SLC17A7: variants seen among roughly 807,000 people sequenced by gnomAD.
The protein encoded by SLC17A7 is vesicular glutamate transporter 1.
A neutral mutation model predicts 59.1 loss-of-function variants in SLC17A7; 15 were observed. That is an observed-to-expected ratio of 0.25 (90% CI 0.17 to 0.39). SLC17A7 has a LOEUF of 0.39. SLC17A7 is among the 10% of genes least tolerant of loss of function. The probability of loss-of-function intolerance (pLI) is 1.00; values close to 1 mark genes in which losing one functional copy is unlikely to be tolerated. For synonymous variants in SLC17A7, 353 were observed against 308.9 expected, an observed-to-expected ratio of 1.14 and a Z score of -1.50; for missense variants, 499 against 765.1, an observed-to-expected ratio of 0.65 and a Z score of 4.10.
Position 49,433,151 on chromosome 19 carries a change from CTT to C in SLC17A7, c.868-193_868-192del. 1 of 631,060 alleles carries C rather than the reference CTT, an allele frequency of 1.6e-6. No individual in the cohort carries two copies. The highest frequency in any genetic ancestry group is 2.8e-6 in the Non-Finnish European group (1 of 363,624). 39.1% of individuals were successfully genotyped at this position (631,060 alleles called of 1,614,324 possible). A position where few individuals can be genotyped will look rare whatever the true frequency, so the allele number is the denominator to read the frequency against. ...CAGGGATCCTAGCCTCAAGGTGACA[CTT>C]GAGTGATGAAGGGGTCCTGGCCCTA... On this transcript the variant is annotated intron_variant, in intron 7 of 11. Coordinates refer to ENST00000221485, the MANE Select transcript of SLC17A7 (RefSeq NM_020309.4). This position sits in a 1 kb window ranked among gnomAD's most constrained non-coding sequence, Gnocchi z 5.7.
chr19:49,436,059 C>A lies in SLC17A7; in HGVS notation c.315+490G>T, dbSNP rs1241329519. 6.0e-6 allele frequency: 1 copy of A among 166,166 alleles called. No homozygotes were observed. The highest frequency in any genetic ancestry group is 1.3e-5 in the Non-Finnish European group (1 of 75,108). The allele number at this position is 166,166 out of a possible 1,614,324, so 10.3% of individuals were successfully genotyped here. On this transcript the variant is annotated intron_variant, in intron 2 of 11. Coordinates refer to ENST00000221485, the MANE Select transcript of SLC17A7 (RefSeq NM_020309.4). This position sits in a 1 kb window ranked among gnomAD's most constrained non-coding sequence, Gnocchi z 4.1. Reference sequence around the variant, plus strand: ...GGGCGACAGAGCAATGGCCCCACTGCACCGTAGCCTGGGAGACCCTGTGGG... The same window carrying A: ...GGGCGACAGAGCAATGGCCCCACTGAACCGTAGCCTGGGAGACCCTGTGGG...
At chr19:49,432,420 C>G in intron 9 of SLC17A7, 99 bp downstream of exon 9, 1 of 1,459,596 alleles carries the variant, frequency 6.9e-7, no homozygotes, top group South Asian at 1.4e-5. Flanking sequence ...CTGGGGCAGG[C>G]TGGATGGTTT....
Position 49,431,048 on chromosome 19 carries a change from G to T in SLC17A7, c.1356C>A (p.Cys452Ter). The change falls in exon 11 of 12, where the codon TGC becomes TGA. Residue 452 changes from cysteine to a stop codon, truncating the protein, a stop_gained. Transcript: ENST00000221485. LOFTEE classifies it high-confidence loss of function. The surrounding 1 kb of genome is among the most constrained non-coding windows in gnomAD (Gnocchi z 4.6). ...TAGTCATGGCCCCCACGATGATGGGGCACACCATGCCCGACAGTGTGCCCA... is the reference window on the plus strand; with the variant it reads ...TAGTCATGGCCCCCACGATGATGGGTCACACCATGCCCGACAGTGTGCCCA... ...NGVGTLSGMV[C>*]PIIVGAMTKH... 6.2e-7 allele frequency: 1 copy of T among 1,613,150 alleles called. No individual in the cohort carries two copies.
At chr19:49,430,934 C>T in intron 11 of SLC17A7, 81 bp downstream of exon 11, 9 of 1,555,598 alleles carry the variant, frequency 5.8e-6, no homozygotes, top group Non-Finnish European at 7.0e-6. Flanking sequence ...GGATGGCACC[C>T]CAGAGACAGT....
intron 8 of SLC17A7, 60 bp downstream of exon 8, chr19:49,432,751 C>T: frequency 1.3e-6 from 2 of 1,596,258 alleles, no homozygotes; most frequent in South Asian, 1.1e-5. Flanking sequence ...CTCGGGATCG[C>T]CGCCAGTTCC....
Position 49,436,576 on chromosome 19 carries a change from G to T in SLC17A7, c.288C>A (p.Thr96=). 6.2e-7 allele frequency: 1 copy of T among 1,613,818 alleles called. No homozygotes were observed. The highest frequency in any genetic ancestry group is 2.2e-5 in the East Asian group (1 of 44,878). ...AIVSMVNNST[T]HRGGHVVVQK... is the part of the protein sequence containing the mutation. Reference sequence around the variant, plus strand: ...GCACCACCACGTGGCCCCCGCGGTGGGTCGTGCTGTTATTGACCATGGAGA... The same window carrying T: ...GCACCACCACGTGGCCCCCGCGGTGTGTCGTGCTGTTATTGACCATGGAGA... Residue 96 remains threonine, a synonymous_variant, in exon 2 of 12, where the codon ACC becomes ACA. Coordinates refer to ENST00000221485, the MANE Select transcript of SLC17A7 (RefSeq NM_020309.4). The surrounding 1 kb of genome is among the most constrained non-coding windows in gnomAD (Gnocchi z 4.1).
rs760602618 is a variant in SLC17A7 at position 49,433,569 on chromosome 19, C to T, written c.867+157G>A. The T allele has an allele frequency of 1.9e-6, 2 of 1,025,968 alleles. No homozygotes were observed. Among genetic ancestry groups the T allele is most frequent in the South Asian group, 1.4e-5 (1 of 73,548 alleles). The allele number at this position is 1,025,968 out of a possible 1,614,324, so 63.6% of individuals were successfully genotyped here. On this transcript the variant is annotated intron_variant, in intron 7 of 11. Transcript: ENST00000221485. The surrounding 1 kb of genome is among the most constrained non-coding windows in gnomAD (Gnocchi z 5.7). The stretch of plus-strand genomic sequence containing the variant: ...CCCAGCACCTGAGAATCTCGTCCTC[C>T]GCGGGTTGCAACCCGCCTCCTAGGT...
chr19:49,430,679 C>G lies in SLC17A7; in HGVS notation c.1523G>C (p.Cys508Ser). 6.2e-7 allele frequency: 1 copy of G among 1,614,178 alleles called. No individual in the cohort carries two copies. Among genetic ancestry groups the G allele is most frequent in the Non-Finnish European group, 8.5e-7 (1 of 1,180,018 alleles). ...AEPEEMSEEK[C>S]GFVGHDQLAG... ...CAGCTGGTCATGGCCAACGAAGCCA[C>G]ACTTCTCCTCGCTCATCTCCTCAGG... Residue 508 changes from cysteine (C) to serine (S), a missense_variant, in exon 12 of 12, where the codon TGT becomes TCT. This residue lies in a region of SLC17A7 where 98 missense variants were observed against 77.5 expected (regional missense o/e 1.27). Transcript: ENST00000221485.
In SLC17A7 at chr19:49,430,539, G is replaced by C. The variant is rs1378966310; in HGVS notation, c.1663C>G (p.Pro555Ala). 1.3e-6 allele frequency: 2 copies of C among 1,585,894 alleles called. No individual in the cohort carries two copies. The highest frequency in any genetic ancestry group is 1.3e-5 in the African/African-American group (1 of 74,576). The change falls in exon 12 of 12, where the codon CCC becomes GCC. Residue 555 changes from proline (P) to alanine (A), a missense_variant. Transcript: ENST00000221485. The stretch of plus-strand genomic sequence containing the variant: ...CATGGTCAGTAGTCCCGGACAGGGG[G>C]TGGGGGCCTGGGGGGCTGAAATGTG... ...HSTFQPPRPP[P>A]PVRDY
chr19:49,439,212 C>A (rs1283841434), intron 1 of SLC17A7, among the ~76,000 whole-genome samples: 1 of 152,096 alleles, frequency 6.6e-6, no homozygotes, highest in Admixed American at 6.5e-5. Flanking sequence ...GATCTCTGTC[C>A]ACTCCCCCAC....
In SLC17A7 at chr19:49,431,190, G is replaced by A. The variant is rs1355474590; in HGVS notation, c.1262-48C>T. On this transcript the variant is annotated intron_variant, in intron 10 of 11. Transcript: ENST00000221485. The surrounding 1 kb of genome is among the most constrained non-coding windows in gnomAD (Gnocchi z 4.6). ...GGCGTCACACCGGAATCTCACTCGA[G>A]TGATTCCCACTGGGACGTTCTCAAC... The A allele has an allele frequency of 1.9e-6, 3 of 1,590,078 alleles. No individual in the cohort carries two copies. In the African/African-American group the frequency reaches 4.0e-5, roughly 21 times the overall value.
At chr19:49,441,002 G>A (rs2078997850) in intron 1 of SLC17A7, among the ~76,000 whole-genome samples, 1 of 151,184 alleles carries the variant, frequency 6.6e-6, no homozygotes, top group Non-Finnish European at 1.5e-5. Flanking sequence ...AGAGAAAAGG[G>A]GCAGAGACAT....
At position 49,432,911 on chromosome 19, in the gene SLC17A7, G is replaced by A; in HGVS notation, c.917C>T (p.Ala306Val). The change falls in exon 8 of 12, where the codon GCC becomes GTC. Residue 306 changes from alanine (A) to valine (V), a missense_variant. Transcript: ENST00000221485. ...GCGGCAGAAGTTGGCCACGATGATG[G>A]CATAGACTGGCATAGACGTGAAGAA... The part of the protein sequence containing the change: ...RRFFTSMPVY[A>V]IIVANFCRSW... 1 of 1,604,728 alleles carries A rather than the reference G, an allele frequency of 6.2e-7. No homozygotes were observed. The highest frequency in any genetic ancestry group is 8.5e-7 in the Non-Finnish European group (1 of 1,175,832).
At chr19:49,432,415 G>T (rs1489565613) in intron 9 of SLC17A7, 104 bp downstream of exon 9, 6 of 1,433,742 alleles carry the variant, frequency 4.2e-6, no homozygotes, top group Non-Finnish European at 5.6e-6. Context: ...GACTCCTGGG[G>T]CAGGCTGGAT....
chr19:49,429,587 G>A lies in SLC17A7; in HGVS notation c.*932C>T. The A allele has an allele frequency of 2.5e-6, 1 of 399,038 alleles. No homozygotes were observed. Among genetic ancestry groups the A allele is most frequent in the Non-Finnish European group, 4.4e-6 (1 of 226,098 alleles). 24.7% of individuals were successfully genotyped at this position (399,038 alleles called of 1,614,324 possible). A position where few individuals can be genotyped will look rare whatever the true frequency, so the allele number is the denominator to read the frequency against. On this transcript the variant is annotated 3_prime_UTR_variant, in exon 12 of 12. Coordinates refer to ENST00000221485, the MANE Select transcript of SLC17A7 (RefSeq NM_020309.4). ...TCTAAGCTGAAAGAGGGGTGTCTGA[G>A]AGGGGAAGGATCCCAGATTTTGAGT... is the stretch of plus-strand genomic sequence containing the variant.
At chr19:49,434,558 C>T in intron 5 of SLC17A7, 44 bp downstream of exon 5, 2 of 1,560,054 alleles carry the variant, frequency 1.3e-6, no homozygotes, top group Non-Finnish European at 1.7e-6. Context: ...GGCCCCAACC[C>T]CTCCTCCCTC....
At chr19:49,440,539 G>C (rs1414184703) in intron 1 of SLC17A7, among the ~76,000 whole-genome samples, 1 of 152,168 alleles carries the variant, frequency 6.6e-6, no homozygotes, top group Non-Finnish European at 1.5e-5. Flanking sequence ...TGGGAAGGCT[G>C]TCCTACCCCA....
Position 49,431,413 on chromosome 19 carries a change from C to T in SLC17A7, c.1186G>A (p.Gly396Ser), listed in dbSNP as rs778596043. Reference sequence around the variant, plus strand: ...GCCACGCCCTTGGAGTGCGAGTAGCCGACCACCAACAGCAGCGTGGCTTCC... The same window carrying T: ...GCCACGCCCTTGGAGTGCGAGTAGCTGACCACCAACAGCAGCGTGGCTTCC... ...GMEATLLLVV[G>S]YSHSKGVAIS... is the part of the protein sequence containing the mutation. Residue 396 changes from glycine (G) to serine (S), a missense_variant, in exon 10 of 12, where the codon GGC (glycine) becomes AGC (serine). This residue lies in a region of SLC17A7 where 323 missense variants were observed against 607.2 expected (regional missense o/e 0.53). Transcript: ENST00000221485. This position sits in a 1 kb window ranked among gnomAD's most constrained non-coding sequence, Gnocchi z 4.6. 1.7e-5 allele frequency: 28 copies of T among 1,614,052 alleles called. 1 individual carries two copies. Among genetic ancestry groups the T allele is most frequent in the South Asian group, 4.4e-5 (4 of 91,074 alleles).
Position 49,433,068 on chromosome 19 carries a change from C to T in SLC17A7, c.868-108G>A, listed in dbSNP as rs756610161. The T allele has an allele frequency of 1.0e-5, 12 of 1,205,238 alleles. No homozygotes were observed. The South Asian group carries it at 1.7e-4, about 17-fold the overall frequency. 74.7% of individuals were successfully genotyped at this position (1,205,238 alleles called of 1,614,324 possible). A position where few individuals can be genotyped will look rare whatever the true frequency, so the allele number is the denominator to read the frequency against. On this transcript the variant is annotated intron_variant, in intron 7 of 11. Coordinates refer to ENST00000221485, the MANE Select transcript of SLC17A7 (RefSeq NM_020309.4). The surrounding 1 kb of genome is among the most constrained non-coding windows in gnomAD (Gnocchi z 5.7). ...TCTGCAGAAACCAAAGGATCCCGAC[C>T]GCACTGAAACTTCTATGGACCCAAA...
Sources: allele counts gnomAD v4.1 joint callset (sites outside exome capture counted in the v4.1 genomes callset), GRCh38; gene constraint gnomAD v4.1.1; regional missense constraint gnomAD v4.1.1; non-coding constraint Gnocchi (gnomAD v3.1); transcripts MANE v1.5; gene names NCBI Gene and HGNC (gene_info 2026-07-23, HGNC 2026-07-21).